UGGT2: variants seen among roughly 807,000 people sequenced by gnomAD.
UGGT2 encodes the protein UDP-glucose glycoprotein glucosyltransferase 2.
Under a neutral mutation model 192.1 loss-of-function variants are expected in UGGT2, and 180 were observed. That is an observed-to-expected ratio of 0.94 (90% CI 0.83 to 1.06). The LOEUF is 1.06. Ranked by LOEUF, UGGT2 falls within the 50% of genes least tolerant of loss-of-function variation. The pLI, the probability that UGGT2 is intolerant of heterozygous loss-of-function variation, is 0.00. For synonymous variants in UGGT2, 580 were observed against 591.0 expected, an observed-to-expected ratio of 0.98 and a Z score of 0.27; for missense variants, 1,849 against 1,795.7, an observed-to-expected ratio of 1.03 and a Z score of -0.54.
At chr13:95,931,147 G>A (rs929557086) in intron 17 of UGGT2, among the ~76,000 whole-genome samples, 1 of 152,084 alleles carries the variant, frequency 6.6e-6, no homozygotes, top group African/African-American at 2.4e-5. Flanking sequence ...TGATTGGTGT[G>A]TTTACAATCC....
chr13:95,929,995 T>G (rs551067074), intron 17 of UGGT2, among the ~76,000 whole-genome samples: 1 of 152,216 alleles, frequency 6.6e-6, no homozygotes, highest in Admixed American at 6.5e-5. Context: ...CGAGATGGTG[T>G]CTCCTTTTGG....
At chr13:95,971,095 G>C (rs2050758814) in intron 11 of UGGT2, among the ~76,000 whole-genome samples, 1 of 152,132 alleles carries the variant, frequency 6.6e-6, no homozygotes, top group Non-Finnish European at 1.5e-5. Flanking sequence ...CAGGATCAGA[G>C]CAAGAAGGGC....
At chr13:95,934,465 T>C (rs1293448958) in intron 17 of UGGT2, among the ~76,000 whole-genome samples, 6 of 152,224 alleles carry the variant, frequency 3.9e-5, no homozygotes, top group Admixed American at 2.0e-4. Context: ...TAACACACGA[T>C]AGAAATGGCA....
chr13:96,046,488 A>G (rs1033718226), intron 1 of UGGT2, among the ~76,000 whole-genome samples: 2 of 152,188 alleles, frequency 1.3e-5, no homozygotes, highest in Non-Finnish European at 2.9e-5. Flanking sequence ...AATAGGAGAG[A>G]GGTTCCAAGA....
At chr13:95,970,080 G>A in intron 12 of UGGT2, 32 bp downstream of exon 12, 1 of 1,581,522 alleles carries the variant, frequency 6.3e-7, no homozygotes, top group Non-Finnish European at 8.6e-7. Flanking sequence ...TATACTACAG[G>A]TTTTAGAACA....
At chr13:95,888,132 C>G (rs1358957002) in intron 25 of UGGT2, among the ~76,000 whole-genome samples, 161 bp from the exon 26 acceptor site, 1 of 152,094 alleles carries the variant, frequency 6.6e-6, no homozygotes, top group African/African-American at 2.4e-5. Context: ...AGTTTAGGTA[C>G]AGAGAGATTA....
chr13:95,848,148 GGTTT>G (rs1188756161), intron 36 of UGGT2, among the ~76,000 whole-genome samples: 3 of 152,030 alleles, frequency 2.0e-5, no homozygotes, highest in South Asian at 4.2e-4. Context: ...TTCTAAATTT[GGTTT>G]GTTTTCTGAT....
Position 95,884,645 on chromosome 13 carries a change from G to A in UGGT2, c.3074C>T (p.Ser1025Leu). The change falls in exon 27 of 39, where the codon TCA becomes TTA. Residue 1025 changes from serine (S) to leucine (L), a missense_variant. Physicochemically the swap from Ser to Leu is moderately radical, Grantham distance 145. Coordinates refer to ENST00000376747, the MANE Select transcript of UGGT2 (RefSeq NM_020121.4). ...AAGAGAAGAAACGTCATTAGCCCCTGACATCAGTTCTGGTTCCAGAACAAA... is the reference window on the plus strand; with the variant it reads ...AAGAGAAGAAACGTCATTAGCCCCTAACATCAGTTCTGGTTCCAGAACAAA... Reference protein sequence around the residue: ...YRFVLEPELMSGANDVSSLGP... With the variant: ...YRFVLEPELMLGANDVSSLGP... 2 of 1,613,628 alleles carry A rather than the reference G, an allele frequency of 1.2e-6. No individual in the cohort carries two copies. Among genetic ancestry groups the A allele is most frequent in the South Asian group, 1.1e-5 (1 of 90,994 alleles).
intron 10 of UGGT2, among the ~76,000 whole-genome samples, chr13:95,975,954 C>A (rs923153881): frequency 2.6e-5 from 4 of 152,102 alleles, no homozygotes; most frequent in African/African-American, 9.7e-5. Flanking sequence ...TTTACCATTT[C>A]TTAATGTAGG....
intron 17 of UGGT2, among the ~76,000 whole-genome samples, chr13:95,928,460 G>A (rs1594354984): frequency 6.6e-6 from 1 of 151,208 alleles, no homozygotes; most frequent in African/African-American, 2.4e-5. Context: ...TGGGCGGAGG[G>A]GCTCCTCACT....
At chr13:95,886,485 C>A (rs141338912) in intron 26 of UGGT2, among the ~76,000 whole-genome samples, 1 of 152,254 alleles carries the variant, frequency 6.6e-6, no homozygotes, top group East Asian at 1.9e-4. Context: ...ACAGAGAGGA[C>A]CCCTACTCCT....
At chr13:95,888,721 A>G (rs868533710) in intron 25 of UGGT2, among the ~76,000 whole-genome samples, 15 of 152,200 alleles carry the variant, frequency 9.9e-5, no homozygotes, top group Admixed American at 2.0e-4. Context: ...TTCTTCCAAT[A>G]AATTATCCTT....
At chr13:95,997,692 T>A (rs1458555353) in intron 6 of UGGT2, among the ~76,000 whole-genome samples, 1 of 151,894 alleles carries the variant, frequency 6.6e-6, no homozygotes, top group Non-Finnish European at 1.5e-5. Context: ...ATGAAAGAAG[T>A]GAAGACAGCG....
At chr13:95,802,891 T>C (rs1235472967) in intron 38 of UGGT2, among the ~76,000 whole-genome samples, 1 of 152,242 alleles carries the variant, frequency 6.6e-6, no homozygotes, top group Non-Finnish European at 1.5e-5. Flanking sequence ...TGGAGTGCAG[T>C]GGTGTGATCT....
At chr13:96,013,549 T>C in intron 4 of UGGT2, 68 bp from the exon 5 acceptor site, 2 of 1,080,672 alleles carry the variant, frequency 1.9e-6, no homozygotes, top group Non-Finnish European at 2.5e-6. Flanking sequence ...TTCTGTATAA[T>C]TACTGCTTAT....
chr13:95,885,184 T>C (rs1594232217), intron 26 of UGGT2, among the ~76,000 whole-genome samples: 1 of 152,268 alleles, frequency 6.6e-6, no homozygotes. Flanking sequence ...ATAGCACTTT[T>C]AGACTTAACT....
At chr13:95,809,030 A>G (rs1184196762) in intron 38 of UGGT2, among the ~76,000 whole-genome samples, 1 of 152,198 alleles carries the variant, frequency 6.6e-6, no homozygotes, top group Admixed American at 6.5e-5. Context: ...CATCTATGGA[A>G]TGTTAACCTG....
rs888167502 is a variant in UGGT2 at position 96,026,738 on chromosome 13, C to T, written c.242-2979G>A. Among the ~76,000 whole-genome samples the T allele has an allele frequency of 2.5e-4, 36 of 142,974 alleles. 1 individual carries two copies. Among genetic ancestry groups the T allele is most frequent in the African/African-American group, 8.5e-4 (33 of 38,860 alleles). The allele number at this position is 142,974 out of a possible 152,430, so 93.8% of individuals were successfully genotyped here. Reference sequence around the variant, plus strand: ...GGACTGCGGACTGCAGTGGCGCAATCTCGGCTCACTGCAAGCTCCGCTTCC... The same window carrying T: ...GGACTGCGGACTGCAGTGGCGCAATTTCGGCTCACTGCAAGCTCCGCTTCC... On this transcript the variant is annotated intron_variant, in intron 2 of 38. Transcript: ENST00000376747.
chr13:95,923,448 A>C lies in UGGT2; in HGVS notation c.2295+2232T>G, dbSNP rs79854936. Among the ~76,000 whole-genome samples the C allele has an allele frequency of 3.2e-3, 471 of 149,406 alleles. 15 individuals are homozygous for C. In the East Asian group the frequency reaches 0.077, roughly 25 times the overall value. ...CAATGGTGTGATCTTGGCTCACTGC[A>C]ACCTCCGCCTCCCGGGTTCAAGGGA... is the stretch of plus-strand genomic sequence containing the variant. On this transcript the variant is annotated intron_variant, in intron 20 of 38. Coordinates refer to ENST00000376747, the MANE Select transcript of UGGT2 (RefSeq NM_020121.4).
Sources: gnomAD v4.1 joint callset for allele counts (sites outside exome capture counted in the v4.1 genomes callset) on GRCh38, gnomAD v4.1.1 for gene constraint, MANE v1.5 for transcripts, NCBI Gene and HGNC (gene_info 2026-07-23, HGNC 2026-07-21) for gene names.